PDE4D: variants seen among roughly 807,000 people sequenced by gnomAD.
The protein encoded by PDE4D is 3',5'-cyclic-AMP phosphodiesterase 4D.
PDE4D carries 24 observed loss-of-function variants against 87.4 expected under a neutral mutation model. That is an observed-to-expected ratio of 0.27 (90% confidence interval 0.20 to 0.39). The LOEUF is 0.39. Ranked by LOEUF, PDE4D falls within the 10% of genes least tolerant of loss-of-function variation. The pLI, the probability that PDE4D is intolerant of heterozygous loss-of-function variation, is 1.00. For synonymous variants in PDE4D, 384 were observed against 383.2 expected, an observed-to-expected ratio of 1.00 and a Z score of -0.02; for missense variants, 714 against 1,041.0, an observed-to-expected ratio of 0.69 and a Z score of 4.32.
chr5:59,027,608 C>G (rs1358973711), intron 6 of PDE4D, among the ~76,000 whole-genome samples: 1 of 152,052 alleles, frequency 6.6e-6, no homozygotes, highest in Non-Finnish European at 1.5e-5. Flanking sequence ...ATATTATTTT[C>G]TTGCTCAAAT....
Position 60,473,500 on chromosome 5 carries a change from TG to T in PDE4D, c.-90+14441del, listed in dbSNP as rs1290880653. On this transcript the variant is annotated intron_variant, in intron 1 of 16. Coordinates refer to the PDE4D transcript ENST00000502484. Reference sequence around the variant, plus strand: ...GAACAAGAGAATGATAAAGTAAATGTGGCAAAATGTTAACAATTGGTAAATT... The same window carrying T: ...GAACAAGAGAATGATAAAGTAAATGTGCAAAATGTTAACAATTGGTAAATT... Among the ~76,000 whole-genome samples, 6 of 152,336 alleles carry T rather than the reference TG, an allele frequency of 3.9e-5. No homozygotes were observed. In the South Asian group the frequency reaches 8.3e-4, roughly 21 times the overall value.
At chr5:59,762,854 G>GATATAT (rs35979900) in intron 1 of PDE4D, among the ~76,000 whole-genome samples, 2,061 of 51,502 alleles carry the variant, frequency 0.04, 96 homozygotes, top group Non-Finnish European at 0.046. Flanking sequence ...ACTGCTTAAG[G>GATATAT]ATATATATAT....
At chr5:59,878,038 A>C (rs1470893090) in intron 1 of PDE4D, among the ~76,000 whole-genome samples, 1 of 152,146 alleles carries the variant, frequency 6.6e-6, no homozygotes, top group East Asian at 1.9e-4. Context: ...CTGGTGTAGT[A>C]GCTTCCTAGT....
chr5:60,326,363 G>T (rs956943990), intron 1 of PDE4D, among the ~76,000 whole-genome samples: 1 of 151,980 alleles, frequency 6.6e-6, no homozygotes, highest in African/African-American at 2.4e-5. Context: ...TAACCATTCT[G>T]CTAGGTATCT....
intron 1 of PDE4D, among the ~76,000 whole-genome samples, chr5:60,505,660 A>C (rs1269973938): frequency 2.0e-5 from 3 of 152,214 alleles, no homozygotes; most frequent in Non-Finnish European, 4.4e-5. Context: ...CCTTAGGTTT[A>C]TGGAAATAAA....
chr5:60,306,026 T>C (rs1397339251), intron 1 of PDE4D, among the ~76,000 whole-genome samples: 1 of 152,068 alleles, frequency 6.6e-6, no homozygotes, highest in African/African-American at 2.4e-5. Flanking sequence ...AAGAAAATAC[T>C]TTTGTAAAAA....
At chr5:59,771,461 G>GA in intron 1 of PDE4D, among the ~76,000 whole-genome samples, 1 of 68,894 alleles carries the variant, frequency 1.5e-5, no homozygotes, top group Middle Eastern at 6.9e-3. Flanking sequence ...AAGAAAGAAA[G>GA]AAAGAAAGAA....
intron 2 of PDE4D, among the ~76,000 whole-genome samples, chr5:60,050,092 A>G (rs540639828): frequency 4.2e-4 from 64 of 152,284 alleles, no homozygotes; most frequent in African/African-American, 1.5e-3. Context: ...GGCCGTCAGA[A>G]AAGCGCAGTA....
intron 2 of PDE4D, among the ~76,000 whole-genome samples, chr5:60,176,752 C>G (rs1259990588): frequency 1.3e-5 from 2 of 152,100 alleles, no homozygotes; most frequent in African/African-American, 4.8e-5. Flanking sequence ...TGACAAAAGA[C>G]TGGTTAAGGT....
At chr5:59,826,523 A>C (rs988163435) in intron 1 of PDE4D, among the ~76,000 whole-genome samples, 10 of 150,900 alleles carry the variant, frequency 6.6e-5, no homozygotes, top group African/African-American at 2.4e-4. Flanking sequence ...TTTTTTTATT[A>C]TACTTTAAGT....
intron 1 of PDE4D, chr5:60,460,563 A>G (rs1175601284): frequency 1.6e-5 from 21 of 1,338,466 alleles, no homozygotes; most frequent in Non-Finnish European, 3.2e-6. Flanking sequence ...TGGCTTCTTC[A>G]TTAAGTCTGT....
chr5:60,176,144 G>A (rs968795813), intron 2 of PDE4D, among the ~76,000 whole-genome samples: 11 of 152,124 alleles, frequency 7.2e-5, no homozygotes, highest in African/African-American at 2.7e-4. Context: ...GCCACCTCCA[G>A]TGTGTCACAT....
intron 1 of PDE4D, among the ~76,000 whole-genome samples, chr5:59,600,368 G>A (rs1159247247): frequency 6.6e-6 from 1 of 152,170 alleles, no homozygotes; most frequent in Non-Finnish European, 1.5e-5. Flanking sequence ...GGCTATGACT[G>A]TCCATCCTGT....
chr5:59,726,950 T>C (rs1756687888), intron 1 of PDE4D, among the ~76,000 whole-genome samples: 1 of 152,088 alleles, frequency 6.6e-6, no homozygotes, highest in Non-Finnish European at 1.5e-5. Flanking sequence ...TGCCAGGCAA[T>C]GCACTAAGCA....
chr5:59,155,043 T>C (rs1779963480), intron 5 of PDE4D, among the ~76,000 whole-genome samples: 1 of 151,980 alleles, frequency 6.6e-6, no homozygotes, highest in South Asian at 2.1e-4. Context: ...ATTTGAAGAG[T>C]TGGATATCAA....
At chr5:59,828,984 C>T (rs1230358180) in intron 1 of PDE4D, among the ~76,000 whole-genome samples, 1 of 152,026 alleles carries the variant, frequency 6.6e-6, no homozygotes, top group Non-Finnish European at 1.5e-5. Flanking sequence ...AAAAAATAAA[C>T]TTATAATGCA....
At chr5:59,047,951 C>A (rs1258431454) in intron 5 of PDE4D, among the ~76,000 whole-genome samples, 1 of 152,210 alleles carries the variant, frequency 6.6e-6, no homozygotes, top group Admixed American at 6.5e-5. Context: ...TGATCTCAGA[C>A]TTCCAGCTCC....
intron 1 of PDE4D, among the ~76,000 whole-genome samples, chr5:59,732,394 T>TCTCACA: frequency 6.8e-6 from 1 of 146,214 alleles, no homozygotes; most frequent in African/African-American, 2.5e-5. Flanking sequence ...CAGGAGACAT[T>TCTCACA]CACACACACA....
intron 3 of PDE4D, chr5:59,987,378 T>C (rs1025486433): frequency 3.9e-5 from 6 of 152,200 alleles, no homozygotes; most frequent in Admixed American, 3.9e-4. Context: ...ATATATTTCC[T>C]CTTTTCATTG....
Sources: allele counts gnomAD v4.1 joint callset (sites outside exome capture counted in the v4.1 genomes callset), GRCh38; gene constraint gnomAD v4.1.1; transcripts MANE v1.5; gene names NCBI Gene and HGNC (gene_info 2026-07-23, HGNC 2026-07-21).